The following SDK1 variants were observed in gnomAD, a reference collection of about 807,000 sequenced individuals.
SDK1 encodes protein sidekick-1.
In SDK1, 157 loss-of-function variants were observed where a neutral mutation model predicts 245.5. The observed-to-expected ratio is 0.64, with a 90% CI of 0.56 to 0.73. The LOEUF is 0.73. SDK1 is among the 30% of genes least tolerant of loss of function. SDK1 has a pLI of 0.00. For synonymous variants in SDK1, 1,647 were observed against 1,278.5 expected, an observed-to-expected ratio of 1.29 and a Z score of -6.15; for missense variants, 3,583 against 3,002.3, an observed-to-expected ratio of 1.19 and a Z score of -4.52.
intron 5 of SDK1, among the ~76,000 whole-genome samples, chr7:3,940,371 G>T (rs1375016660): frequency 6.6e-6 from 1 of 152,262 alleles, no homozygotes; most frequent in African/African-American, 2.4e-5. Context: ...CGTCCTGCAA[G>T]GCAAACGCGA....
intron 1 of SDK1, among the ~76,000 whole-genome samples, chr7:3,466,850 T>G (rs1781016564): frequency 6.6e-6 from 1 of 151,958 alleles, no homozygotes; most frequent in African/African-American, 2.4e-5. Flanking sequence ...TTATTTACTG[T>G]GGATTTAAAT....
chr7:3,697,921 G>A (rs372836923), intron 4 of SDK1, among the ~76,000 whole-genome samples: 40 of 152,268 alleles, frequency 2.6e-4, no homozygotes, highest in African/African-American at 8.9e-4. Context: ...AACATTATAT[G>A]AAAAGCATAG....
intron 35 of SDK1, among the ~76,000 whole-genome samples, chr7:4,187,398 G>A (rs964660401): frequency 2.0e-5 from 3 of 152,226 alleles, no homozygotes; most frequent in Non-Finnish European, 4.4e-5. Context: ...GCTAGAAGCA[G>A]AACTTCTGGT....
At chr7:3,705,201 A>AT (rs536486251) in intron 4 of SDK1, among the ~76,000 whole-genome samples, 53 of 150,778 alleles carry the variant, frequency 3.5e-4, no homozygotes, top group South Asian at 3.1e-3. Flanking sequence ...GAATTTTAGT[A>AT]TTTTTTTTTC....
intron 40 of SDK1, among the ~76,000 whole-genome samples, chr7:4,227,871 C>T (rs1785532670): frequency 6.6e-6 from 1 of 152,212 alleles, no homozygotes; most frequent in Non-Finnish European, 1.5e-5. Flanking sequence ...AGATGTGCCT[C>T]CTACCGCTTG....
chr7:3,579,975 A>G (rs1343888795), intron 1 of SDK1, among the ~76,000 whole-genome samples: 1 of 152,226 alleles, frequency 6.6e-6, no homozygotes, highest in East Asian at 1.9e-4. Flanking sequence ...TATGAAAATC[A>G]TTAGCATTCC....
intron 1 of SDK1, among the ~76,000 whole-genome samples, chr7:3,470,320 A>G (rs905194741): frequency 2.6e-5 from 4 of 152,176 alleles, no homozygotes; most frequent in Admixed American, 6.5e-5. Context: ...AGGATCTGAT[A>G]CACTGTGTGC....
chr7:3,856,659 C>T (rs899464176), intron 5 of SDK1, among the ~76,000 whole-genome samples: 78 of 151,890 alleles, frequency 5.1e-4, no homozygotes, highest in African/African-American at 1.7e-3. Context: ...GGCATGGTGG[C>T]GGGCACCTGT....
At chr7:3,525,284 C>T (rs1003256298) in intron 1 of SDK1, among the ~76,000 whole-genome samples, 20 of 152,012 alleles carry the variant, frequency 1.3e-4, no homozygotes, top group African/African-American at 4.3e-4. Flanking sequence ...GAATTTAAGT[C>T]ACCAGGACTG....
intron 4 of SDK1, among the ~76,000 whole-genome samples, chr7:3,710,146 C>T (rs1249688642): frequency 6.6e-6 from 1 of 152,158 alleles, no homozygotes; most frequent in African/African-American, 2.4e-5. Context: ...ATTGATTCTC[C>T]TCTCATTTTT....
At position 4,268,015 on chromosome 7, in the gene SDK1, A is replaced by T. The variant is rs936513383; in HGVS notation, c.*2631A>T. Reference sequence around the variant, plus strand: ...CTTCAGGGAAGGAAAAGAAAATCACAGCCTAGGAAGATGGAGGTTGGATTT... The same window carrying T: ...CTTCAGGGAAGGAAAAGAAAATCACTGCCTAGGAAGATGGAGGTTGGATTT... On this transcript the variant is annotated 3_prime_UTR_variant, in exon 45 of 45. Coordinates refer to ENST00000404826, the MANE Select transcript of SDK1 (RefSeq NM_152744.4). 8 of 985,476 alleles carry T rather than the reference A, an allele frequency of 8.1e-6. No individual in the cohort carries two copies. In the African/African-American group the frequency reaches 1.2e-4, roughly 15 times the overall value. 61.0% of individuals were successfully genotyped at this position (985,476 alleles called of 1,614,324 possible). A position where few individuals can be genotyped will look rare whatever the true frequency, so the allele number is the denominator to read the frequency against.
At chr7:3,339,355 G>A (rs1780285366) in intron 1 of SDK1, among the ~76,000 whole-genome samples, 1 of 152,060 alleles carries the variant, frequency 6.6e-6, no homozygotes, top group Non-Finnish European at 1.5e-5. Context: ...ATAAATAACT[G>A]AAGTCTTAAA....
At chr7:3,918,087 G>A (rs754005103) in intron 5 of SDK1, among the ~76,000 whole-genome samples, 9 of 152,152 alleles carry the variant, frequency 5.9e-5, no homozygotes, top group African/African-American at 1.9e-4. Flanking sequence ...TCTTAGACTG[G>A]ATCTCAGTTC....
chr7:3,813,251 T>TCCCTCCC (rs1779429047), intron 4 of SDK1, among the ~76,000 whole-genome samples: 1 of 120,782 alleles, frequency 8.3e-6, no homozygotes, highest in Non-Finnish European at 1.7e-5. Context: ...CCCAATGCTA[T>TCCCTCCC]CCCTCCCCCC....
At chr7:3,456,188 T>C (rs1780659302) in intron 1 of SDK1, among the ~76,000 whole-genome samples, 1 of 152,220 alleles carries the variant, frequency 6.6e-6, no homozygotes, top group Non-Finnish European at 1.5e-5. Flanking sequence ...TTTGTCTTGC[T>C]ATGTTTTTCC....
At position 4,026,972 on chromosome 7, in the gene SDK1, C is replaced by G. The variant is rs1035964110; in HGVS notation, c.2602+9620C>G. 1.3e-5 allele frequency among the ~76,000 whole-genome samples: 2 copies of G among 152,188 alleles called. No homozygotes were observed. The highest frequency in any genetic ancestry group is 4.8e-5 in the African/African-American group (2 of 41,458). The stretch of plus-strand genomic sequence containing the variant: ...GACACCTGTGAATCCCTGCTGTGTT[C>G]TGGATAGATGCATCAGTCCCTTATA... On this transcript the variant is annotated intron_variant, in intron 17 of 44. Transcript: ENST00000404826. This position sits in a 1 kb window ranked among gnomAD's most constrained non-coding sequence, Gnocchi z 4.1.
At chr7:3,656,503 G>A (rs1475827226) in intron 4 of SDK1, among the ~76,000 whole-genome samples, 1 of 152,100 alleles carries the variant, frequency 6.6e-6, no homozygotes, top group East Asian at 1.9e-4. Context: ...GACTCTAAGG[G>A]GGTACTGCTG....
rs187990837 is a variant in SDK1, at chr7:3,897,639, A to G, written c.848-53284A>G. 3.3e-3 allele frequency among the ~76,000 whole-genome samples: 497 copies of G among 152,304 alleles called. 5 individuals carry two copies. The South Asian group carries it at 0.034, about 10-fold the overall frequency. ...CTGCTCCCCCTTGTGGCTGTTATGA[A>G]CAGTGCTCCCATTTGCCACGTTCTT... On this transcript the variant is annotated intron_variant, in intron 5 of 44. Coordinates refer to ENST00000404826, the MANE Select transcript of SDK1 (RefSeq NM_152744.4).
chr7:4,092,879 C>T (rs547427803), intron 22 of SDK1, among the ~76,000 whole-genome samples: 32 of 152,276 alleles, frequency 2.1e-4, no homozygotes, highest in African/African-American at 7.5e-4. Flanking sequence ...GACGAAAGCT[C>T]CCACCACAAC....
Sources: gnomAD v4.1 joint callset for allele counts (sites outside exome capture counted in the v4.1 genomes callset) on GRCh38, gnomAD v4.1.1 for gene constraint, Gnocchi (gnomAD v3.1) non-coding constraint, MANE v1.5 for transcripts, NCBI Gene and HGNC (gene_info 2026-07-23, HGNC 2026-07-21) for gene names.